Variants in RNGTT observed in about 807,000 individuals in gnomAD.
The protein encoded by RNGTT is mRNA-capping enzyme.
In RNGTT, 33 loss-of-function variants were observed where a neutral mutation model predicts 79.3. That is an observed-to-expected ratio of 0.42 (90% CI 0.32 to 0.56). The LOEUF is 0.56. Ranked by LOEUF, RNGTT falls within the 20% of genes least tolerant of loss-of-function variation. The probability of loss-of-function intolerance (pLI) is 0.17; values close to 1 mark genes in which losing one functional copy is unlikely to be tolerated. For synonymous variants in RNGTT, 222 were observed against 235.9 expected, an observed-to-expected ratio of 0.94 and a Z score of 0.54; for missense variants, 497 against 739.1, an observed-to-expected ratio of 0.67 and a Z score of 3.80.
intron 14 of RNGTT, among the ~76,000 whole-genome samples, chr6:88,655,971 T>G (rs957799994): frequency 6.6e-6 from 1 of 152,164 alleles, no homozygotes; most frequent in Non-Finnish European, 1.5e-5. Context: ...GACTTTGACA[T>G]GCTCTAGAAA....
At chr6:88,792,329 T>C (rs2127856561) in intron 12 of RNGTT, among the ~76,000 whole-genome samples, 1 of 152,292 alleles carries the variant, frequency 6.6e-6, no homozygotes, top group African/African-American at 2.4e-5. Context: ...AAATAAGACC[T>C]AGTGCAGGTG....
At chr6:88,733,437 C>A (rs111667837) in intron 13 of RNGTT, among the ~76,000 whole-genome samples, 2 of 146,786 alleles carry the variant, frequency 1.4e-5, no homozygotes, top group Non-Finnish European at 3.0e-5. Context: ...TAGCATATTC[C>A]AAGAACTGTG....
intron 12 of RNGTT, among the ~76,000 whole-genome samples, chr6:88,791,638 A>C (rs189631201): frequency 0.023 from 3,493 of 151,838 alleles, 129 homozygotes; most frequent in African/African-American, 0.079. Flanking sequence ...CTCCTGGGTT[A>C]ACGCCATTCT....
At chr6:88,852,280 A>G (rs558267336) in intron 9 of RNGTT, among the ~76,000 whole-genome samples, 3 of 152,296 alleles carry the variant, frequency 2.0e-5, no homozygotes, top group African/African-American at 4.8e-5. Flanking sequence ...GCAACTCATA[A>G]TAGGCACTCA....
chr6:88,884,353 T>C (rs1239253202), intron 8 of RNGTT, among the ~76,000 whole-genome samples: 2 of 152,206 alleles, frequency 1.3e-5, no homozygotes. Context: ...CAGTGGTTTC[T>C]AGAACATACT....
At chr6:88,959,724 G>T (rs562726656) in intron 1 of RNGTT, among the ~76,000 whole-genome samples, 1 of 151,868 alleles carries the variant, frequency 6.6e-6, no homozygotes, top group African/African-American at 2.4e-5. Context: ...CTTTTAACTT[G>T]GATTCAAATA....
intron 8 of RNGTT, among the ~76,000 whole-genome samples, chr6:88,865,603 A>C (rs534570756): frequency 2.0e-5 from 3 of 152,278 alleles, no homozygotes; most frequent in African/African-American, 7.2e-5. Flanking sequence ...TTTTTCTATG[A>C]ATAGGTATAA....
In RNGTT at chr6:88,900,724, A is replaced by G. The variant is rs1323470792; in HGVS notation, c.684+3991T>C. ...ACTCCAGCTTGGGCCACAGAGAGAG[A>G]CTCTGTCTCAAAAAAAATAAATAAA... On this transcript the variant is annotated intron_variant, in intron 6 of 15. Transcript: ENST00000369485. 2.6e-5 allele frequency among the ~76,000 whole-genome samples: 4 copies of G among 151,040 alleles called. No homozygotes were observed. In the East Asian group the frequency reaches 7.7e-4, roughly 29 times the overall value.
rs367937280 is a variant in RNGTT at position 88,951,773 on chromosome 6, T to C, written c.65-10593A>G. Among the ~76,000 whole-genome samples the C allele has an allele frequency of 2.7e-3, 416 of 152,224 alleles. 7 individuals are homozygous for C. Among genetic ancestry groups the C allele is most frequent in the African/African-American group, 9.8e-3 (405 of 41,536 alleles). On this transcript the variant is annotated intron_variant, in intron 1 of 15. Transcript: ENST00000369485. ...AAGAGCCTTGTAGGCACTCCCAGTC[T>C]CCAGCTCAAGCCCAGGGAAGCCATT...
At chr6:88,874,434 C>T (rs1033446881) in intron 8 of RNGTT, among the ~76,000 whole-genome samples, 31 of 151,992 alleles carry the variant, frequency 2.0e-4, no homozygotes, top group African/African-American at 6.0e-4. Context: ...TTTTATTTTA[C>T]ATTTGTCCCT....
chr6:88,771,315 G>GTATATATATATATATATA (rs539282627), intron 12 of RNGTT, among the ~76,000 whole-genome samples: 4 of 62,068 alleles, frequency 6.4e-5, no homozygotes, highest in South Asian at 5.8e-4. Context: ...GTGTGTGTGT[G>GTATATATATATATATATA]TATATATATA....
At chr6:88,797,442 A>C (rs1303896000) in intron 12 of RNGTT, among the ~76,000 whole-genome samples, 1 of 152,152 alleles carries the variant, frequency 6.6e-6, no homozygotes, top group Non-Finnish European at 1.5e-5. Flanking sequence ...GAAGAAAGGT[A>C]AAAGGGATTT....
intron 9 of RNGTT, among the ~76,000 whole-genome samples, chr6:88,851,041 C>T (rs1410870411): frequency 6.6e-6 from 1 of 151,870 alleles, no homozygotes; most frequent in Non-Finnish European, 1.5e-5. Flanking sequence ...CTAATCATCA[C>T]AGTCCATATA....
intron 4 of RNGTT, among the ~76,000 whole-genome samples, chr6:88,926,870 A>G (rs1443402936): frequency 6.6e-6 from 1 of 152,246 alleles, no homozygotes; most frequent in East Asian, 1.9e-4. Flanking sequence ...TGTGATAGCC[A>G]ATATTGTTAA....
At chr6:88,660,610 G>GA (rs1774147311) in intron 14 of RNGTT, among the ~76,000 whole-genome samples, 1 of 151,512 alleles carries the variant, frequency 6.6e-6, no homozygotes, top group Non-Finnish European at 1.5e-5. Context: ...TCTCCAACAG[G>GA]AAAATATCAC....
chr6:88,895,893 T>C (rs1408289771), intron 6 of RNGTT, among the ~76,000 whole-genome samples: 2 of 152,176 alleles, frequency 1.3e-5, no homozygotes, highest in East Asian at 1.9e-4. Flanking sequence ...GTTCATCTTA[T>C]CAATAATCAC....
chr6:88,951,404 T>G (rs1235653970), intron 1 of RNGTT, among the ~76,000 whole-genome samples: 2 of 151,922 alleles, frequency 1.3e-5, no homozygotes, highest in East Asian at 3.9e-4. Context: ...CTGAAGAAAG[T>G]TCTACCATGG....
At chr6:88,781,176 G>A (rs1005405063) in intron 12 of RNGTT, among the ~76,000 whole-genome samples, 21 of 152,110 alleles carry the variant, frequency 1.4e-4, no homozygotes, top group Non-Finnish European at 2.1e-4. Context: ...CTCTACTAAC[G>A]TAATTATTTT....
chr6:88,818,354 G>C (rs529928052), intron 11 of RNGTT, among the ~76,000 whole-genome samples: 3 of 151,926 alleles, frequency 2.0e-5, no homozygotes, highest in Non-Finnish European at 4.4e-5. Flanking sequence ...AGGCTGAAGC[G>C]GGTGGATCAC....
Sources: gnomAD v4.1 joint callset for allele counts (sites outside exome capture counted in the v4.1 genomes callset) on GRCh38, gnomAD v4.1.1 for gene constraint, MANE v1.5 for transcripts, NCBI Gene and HGNC (gene_info 2026-07-23, HGNC 2026-07-21) for gene names.